PTPRT: variants seen among roughly 807,000 people sequenced by gnomAD.
PTPRT encodes the protein protein tyrosine phosphatase receptor type T.
A neutral mutation model predicts 176.8 loss-of-function variants in PTPRT; 56 were observed. The observed-to-expected ratio is 0.32, with a 90% CI of 0.26 to 0.40. The LOEUF is 0.40. PTPRT is among the 10% of genes least tolerant of loss of function. The pLI, the probability that PTPRT is intolerant of heterozygous loss-of-function variation, is 1.00. For synonymous variants in PTPRT, 783 were observed against 739.0 expected (o/e 1.06, Z -0.96); for missense variants, 1,540 against 1,908.2 (o/e 0.81, Z 3.60).
intron 7 of PTPRT, among the ~76,000 whole-genome samples, chr20:42,520,459 C>A (rs897165062): frequency 2.6e-5 from 4 of 152,050 alleles, no homozygotes; most frequent in Non-Finnish European, 5.9e-5. Context: ...AAATACACAT[C>A]CCCAGGCACC....
At chr20:42,902,375 T>A (rs538696994) in intron 1 of PTPRT, among the ~76,000 whole-genome samples, 19 of 151,922 alleles carry the variant, frequency 1.3e-4, no homozygotes, top group South Asian at 1.0e-3. Context: ...AACTCTGGAG[T>A]GCCCTTTGAC....
chr20:42,880,115 G>C (rs1482752198), intron 2 of PTPRT, among the ~76,000 whole-genome samples: 1 of 152,094 alleles, frequency 6.6e-6, no homozygotes, highest in Non-Finnish European at 1.5e-5. Context: ...GGCAGGCCCG[G>C]GGGGGTTTGT....
chr20:42,391,052 A>G (rs2058795079), intron 9 of PTPRT, among the ~76,000 whole-genome samples: 1 of 152,204 alleles, frequency 6.6e-6, no homozygotes, highest in African/African-American at 2.4e-5. Context: ...CCACAATTAA[A>G]CACAAATTGA....
At chr20:42,094,647 T>C (rs577364524) in intron 27 of PTPRT, among the ~76,000 whole-genome samples, 1 of 152,286 alleles carries the variant, frequency 6.6e-6, no homozygotes, top group East Asian at 1.9e-4. Flanking sequence ...CCCAGCACTT[T>C]GGGAGGCCAA....
At chr20:42,542,025 T>C (rs1222668525) in intron 7 of PTPRT, among the ~76,000 whole-genome samples, 1 of 152,116 alleles carries the variant, frequency 6.6e-6, no homozygotes, top group Non-Finnish European at 1.5e-5. Context: ...GTTCTCGTAA[T>C]TGTGAATAAG....
intron 7 of PTPRT, among the ~76,000 whole-genome samples, chr20:42,656,692 T>C (rs73907223): frequency 3.3e-5 from 5 of 152,232 alleles, no homozygotes; most frequent in African/African-American, 9.6e-5. Flanking sequence ...TATGTGCACA[T>C]ATATTAGTAT....
At chr20:42,104,784 A>C in intron 24 of PTPRT, 66 bp from the exon 25 acceptor site, 2 of 1,463,244 alleles carry the variant, frequency 1.4e-6, no homozygotes, top group South Asian at 2.4e-5. Flanking sequence ...TTAGCTGTCC[A>C]CATTTAGTGT....
intron 17 of PTPRT, among the ~76,000 whole-genome samples, chr20:42,149,117 C>T (rs893415051): frequency 6.6e-6 from 1 of 152,124 alleles, no homozygotes; most frequent in Non-Finnish European, 1.5e-5. Flanking sequence ...GAGGTGTGTC[C>T]CTGCTGATCT....
At chr20:42,816,059 T>G (rs1256882408) in intron 2 of PTPRT, among the ~76,000 whole-genome samples, 4 of 152,138 alleles carry the variant, frequency 2.6e-5, no homozygotes, top group Non-Finnish European at 5.9e-5. Context: ...CACACAAAAG[T>G]CTTCTTTCTT....
chr20:42,251,882 T>C (rs2056556853), intron 13 of PTPRT, among the ~76,000 whole-genome samples: 1 of 152,078 alleles, frequency 6.6e-6, no homozygotes, highest in South Asian at 2.1e-4. Flanking sequence ...AGGGCACCAT[T>C]TAAGTGTTAT....
intron 1 of PTPRT, among the ~76,000 whole-genome samples, chr20:43,060,644 A>G (rs1265871478): frequency 6.6e-6 from 1 of 152,240 alleles, no homozygotes; most frequent in Non-Finnish European, 1.5e-5. Context: ...ATTGAATGAA[A>G]TAATTTATAC....
intron 7 of PTPRT, among the ~76,000 whole-genome samples, chr20:42,664,160 A>G (rs1339671013): frequency 6.6e-6 from 1 of 152,362 alleles, no homozygotes; most frequent in African/African-American, 2.4e-5. Flanking sequence ...GGACATTTTT[A>G]ATACGCTTTT....
At chr20:42,960,928 TGTA>T (rs1981951532) in intron 1 of PTPRT, among the ~76,000 whole-genome samples, 1 of 152,190 alleles carries the variant, frequency 6.6e-6, no homozygotes, top group East Asian at 1.9e-4. Context: ...GAAGATATTT[TGTA>T]AATTAAATAA....
intron 1 of PTPRT, among the ~76,000 whole-genome samples, chr20:42,950,829 G>A (rs1227022680): frequency 6.6e-6 from 1 of 152,168 alleles, no homozygotes; most frequent in Non-Finnish European, 1.5e-5. Context: ...TATTTGAATT[G>A]CTCATGCTGT....
At chr20:42,792,354 T>C (rs959020282) in intron 2 of PTPRT, among the ~76,000 whole-genome samples, 1 of 152,230 alleles carries the variant, frequency 6.6e-6, no homozygotes, top group African/African-American at 2.4e-5. Context: ...TTGATAAAGC[T>C]GCCTGGGAGG....
chr20:42,692,016 T>C (rs1023117081), intron 6 of PTPRT, among the ~76,000 whole-genome samples: 2 of 152,196 alleles, frequency 1.3e-5, no homozygotes, highest in Non-Finnish European at 2.9e-5. Flanking sequence ...CAATGACATA[T>C]ACAGTGATTT....
chr20:42,377,991 T>C (rs2058666693), intron 9 of PTPRT, among the ~76,000 whole-genome samples: 1 of 152,202 alleles, frequency 6.6e-6, no homozygotes, highest in African/African-American at 2.4e-5. Context: ...CTAGGGGTCC[T>C]ACCCAGAGGA....
At chr20:42,450,591 G>A (rs1013818881) in intron 8 of PTPRT, among the ~76,000 whole-genome samples, 4 of 152,112 alleles carry the variant, frequency 2.6e-5, no homozygotes, top group Non-Finnish European at 5.9e-5. Context: ...TTTTAAGGAC[G>A]TAAGCTTTCT....
At chr20:42,477,448 G>A (rs2071310478) in intron 7 of PTPRT, among the ~76,000 whole-genome samples, 1 of 151,994 alleles carries the variant, frequency 6.6e-6, no homozygotes, top group African/African-American at 2.4e-5. Flanking sequence ...ATGGAAACTA[G>A]GTTTTAGAGT....
Sources: gnomAD v4.1 joint callset for allele counts (sites outside exome capture counted in the v4.1 genomes callset) on GRCh38, gnomAD v4.1.1 for gene constraint, MANE v1.5 for transcripts, NCBI Gene and HGNC (gene_info 2026-07-23, HGNC 2026-07-21) for gene names.